Variants in CYP4F3 observed in about 807,000 individuals in gnomAD.
The protein encoded by CYP4F3 is cytochrome P450 family 4 subfamily F member 3, also known as cytochrome P450 4F3.
In CYP4F3, 50 loss-of-function variants were observed where a neutral mutation model predicts 54.8. The ratio of observed to expected loss-of-function variants is 0.91; its 90% CI spans 0.73 to 1.16. The LOEUF (loss-of-function observed/expected upper bound fraction) is 1.16, where lower values mean the gene tolerates loss of function less well. CYP4F3 is among the 50% of genes most tolerant of loss of function. The pLI, the probability that CYP4F3 is intolerant of heterozygous loss-of-function variation, is 0.00. For synonymous variants in CYP4F3, 244 were observed against 262.6 expected (o/e 0.93, Z 0.69); for missense variants, 715 against 676.2 (o/e 1.06, Z -0.64).
At chr19:15,643,455 T>TAGAC (rs1279352039) in intron 2 of CYP4F3, among the ~76,000 whole-genome samples, 5 of 143,658 alleles carry the variant, frequency 3.5e-5, no homozygotes, top group Admixed American at 7.0e-5. Context: ...GATAGATAGA[T>TAGAC]AGACAGACAG....
intron 1 of CYP4F3, 110 bp downstream of exon 1, chr19:15,641,055 C>G (rs1198737311): frequency 3.7e-6 from 1 of 268,552 alleles, no homozygotes; most frequent in African/African-American, 2.2e-5. Context: ...CCCACATTCT[C>G]CATTGCTGCC....
chr19:15,640,965 G>GGGCCTGGGGCATCCT lies in CYP4F3; in HGVS notation c.-2+21_-2+35dup, dbSNP rs1972445741. On this transcript the variant is annotated intron_variant, in intron 1 of 12. Transcript: ENST00000221307. Reference sequence around the variant, plus strand: ...CAGAAGGTGCCAGGGTGGGGGTGGTGGGCCTGGGGCATCCTAGCCTGTGAT... The same window carrying GGGCCTGGGGCATCCT: ...CAGAAGGTGCCAGGGTGGGGGTGGTGGGCCTGGGGCATCCTGGCCTGGGGCATCCTAGCCTGTGAT... 1 of 161,278 alleles carries GGGCCTGGGGCATCCT rather than the reference G, an allele frequency of 6.2e-6. No individual in the cohort carries two copies. Among genetic ancestry groups the GGGCCTGGGGCATCCT allele is most frequent in the African/African-American group, 2.4e-5 (1 of 41,572 alleles). 10.0% of individuals were successfully genotyped at this position (161,278 alleles called of 1,614,324 possible). A position where few individuals can be genotyped will look rare whatever the true frequency, so the allele number is the denominator to read the frequency against.
At position 15,658,593 on chromosome 19, in the gene CYP4F3, G is replaced by T. The variant is rs759000167; in HGVS notation, c.1314+38G>T. On this transcript the variant is annotated intron_variant, in intron 11 of 12. Transcript: ENST00000221307. Reference sequence around the variant, plus strand: ...CGTCTCTGTTTTTGTCCATTCCAAGGCTCCTAGAGGAGGGGGCAGGGTTTT... The same window carrying T: ...CGTCTCTGTTTTTGTCCATTCCAAGTCTCCTAGAGGAGGGGGCAGGGTTTT... 6.3e-5 allele frequency: 101 copies of T among 1,613,114 alleles called. No homozygotes were observed. The Admixed American group carries it at 9.5e-4, about 15-fold the overall frequency.
chr19:15,652,779 G>T, intron 8 of CYP4F3, 44 bp from the exon 9 acceptor site: 1 of 1,601,328 alleles, frequency 6.2e-7, no homozygotes, highest in Non-Finnish European at 8.5e-7. Flanking sequence ...ACCCTCGGGT[G>T]CTGAAGCAGC....
chr19:15,645,354 A>C (rs1290623), intron 2 of CYP4F3, among the ~76,000 whole-genome samples: 102,006 of 152,116 alleles, frequency 0.67, 34,846 homozygotes, highest in East Asian at 0.84. Context: ...TGGTTAAGGA[A>C]TCAGGCCATG....
Position 15,652,912 on chromosome 19 carries a change from C to T in CYP4F3, c.1075C>T (p.Gln359Ter). 1 of 1,613,306 alleles carries T rather than the reference C, an allele frequency of 6.2e-7. No homozygotes were observed. The highest frequency in any genetic ancestry group is 8.5e-7 in the Non-Finnish European group (1 of 1,179,552). Residue 359 changes from glutamine to a stop codon, truncating the protein, a stop_gained, in exon 9 of 13, where the codon CAA (glutamine) becomes TAA (stop). Coordinates refer to ENST00000221307, the MANE Select transcript of CYP4F3 (RefSeq NM_000896.3). LOFTEE classifies it high-confidence loss of function. ...CCAGGAGCGCTGTCGGCAGGAGGTG[C>T]AAGAGCTTCTGAAGGACCGTGAGCC... The part of the protein sequence containing the change: ...EYQERCRQEV[Q>*]ELLKDREPKE...
chr19:15,647,377 A>C, intron 5 of CYP4F3, 53 bp downstream of exon 5: 2 of 1,610,768 alleles, frequency 1.2e-6, no homozygotes, highest in Non-Finnish European at 1.7e-6. Context: ...GGGGGGAACC[A>C]CAGACAGATC....
At chr19:15,649,347 G>T (rs1466887979) in intron 6 of CYP4F3, 66 bp downstream of exon 6, 1 of 1,608,326 alleles carries the variant, frequency 6.2e-7, no homozygotes, top group East Asian at 2.2e-5. Flanking sequence ...GGGGGGCTGG[G>T]GAGGACTGAG....
intron 2 of CYP4F3, among the ~76,000 whole-genome samples, chr19:15,642,131 A>G (rs1972482594): frequency 6.6e-6 from 1 of 152,082 alleles, no homozygotes; most frequent in Non-Finnish European, 1.5e-5. Flanking sequence ...AACCCACATA[A>G]AAGTTGGCCA....
At chr19:15,653,958 A>AG (rs28371485) in intron 9 of CYP4F3, among the ~76,000 whole-genome samples, 100,585 of 151,984 alleles carry the variant, frequency 0.66, 33,866 homozygotes, top group East Asian at 0.82. Context: ...GTGTTTGAAC[A>AG]GGGAGGGACA....
intron 9 of CYP4F3, among the ~76,000 whole-genome samples, chr19:15,653,188 A>G (rs2683041): frequency 6.6e-6 from 1 of 151,988 alleles, no homozygotes; most frequent in African/African-American, 2.4e-5. Flanking sequence ...ATGTGAGGAC[A>G]GATAACGCCA....
In CYP4F3 at chr19:15,662,703, A is replaced by T. The variant is rs545837526; in HGVS notation, c.*3318A>T. The T allele has an allele frequency of 7.2e-5, 11 of 152,104 alleles. No homozygotes were observed. Among genetic ancestry groups the T allele is most frequent in the Admixed American group, 1.3e-4 (2 of 15,282 alleles). 9.4% of individuals were successfully genotyped at this position (152,104 alleles called of 1,614,324 possible). ...ACCCCTGTATTTATTTGTTTTCTTGAATTTCTTTTATCATTGTTTTGTAGT... is the reference window on the plus strand; with the variant it reads ...ACCCCTGTATTTATTTGTTTTCTTGTATTTCTTTTATCATTGTTTTGTAGT... On this transcript the variant is annotated 3_prime_UTR_variant, in exon 13 of 13. Transcript: ENST00000221307.
intron 3 of CYP4F3, 106 bp downstream of exon 3, chr19:15,645,969 CAGG>C: frequency 7.1e-7 from 1 of 1,399,756 alleles, no homozygotes; most frequent in Non-Finnish European, 9.4e-7. Flanking sequence ...CATGTGCAGA[CAGG>C]AGGGGCTGTG....
chr19:15,650,403 A>G lies in CYP4F3; in HGVS notation c.918+220A>G, dbSNP rs1037197872. The G allele has an allele frequency of 1.9e-5, 17 of 873,202 alleles. No individual in the cohort carries two copies. In the Admixed American group the frequency reaches 4.5e-4, roughly 23 times the overall value. The allele number at this position is 873,202 out of a possible 1,614,324, so 54.1% of individuals were successfully genotyped here. Reference sequence around the variant, plus strand: ...TTGTGATGAGTCTGAGATTTACTCTATTTATAAGTTAATAAGCTAATTGGC... The same window carrying G: ...TTGTGATGAGTCTGAGATTTACTCTGTTTATAAGTTAATAAGCTAATTGGC... On this transcript the variant is annotated intron_variant, in intron 7 of 12. Transcript: ENST00000221307.
At chr19:15,659,146 G>C in intron 12 of CYP4F3, 74 bp from the exon 13 acceptor site, 1 of 1,364,816 alleles carries the variant, frequency 7.3e-7, no homozygotes, top group African/African-American at 1.5e-5. Flanking sequence ...GGGTGTCCCA[G>C]GCCAGGTTAC....
At position 15,649,931 on chromosome 19, in the gene CYP4F3, TGCC is replaced by T. The variant is rs1972737685; in HGVS notation, c.670_672del (p.Ala224del). 6.2e-7 allele frequency: 1 copy of T among 1,613,886 alleles called. No individual in the cohort carries two copies. Among genetic ancestry groups the T allele is most frequent in the African/African-American group, 1.3e-5 (1 of 74,898 alleles). ...CCTGCAGGAAGCCCAGTGAATATAT[TGCC>T]GCCATCTTGGAGCTCAGTGCCCTTG... is the stretch of plus-strand genomic sequence containing the variant. On this transcript the variant is annotated inframe_deletion, in exon 7 of 13. Coordinates refer to ENST00000221307, the MANE Select transcript of CYP4F3 (RefSeq NM_000896.3).
rs1160199511 is a variant in CYP4F3 at position 15,651,064 on chromosome 19, C to T, written c.918+881C>T. On this transcript the variant is annotated intron_variant, in intron 7 of 12. Transcript: ENST00000221307. ...CTAACTTTTGCATTTTTAGTAGAGA[C>T]GAGGTTTCACCATGTTGGCCAGGCT... Among the ~76,000 whole-genome samples the T allele has an allele frequency of 4.6e-5, 7 of 151,556 alleles. No homozygotes were observed. In the South Asian group the frequency reaches 8.3e-4, roughly 18 times the overall value.
At position 15,647,207 on chromosome 19, in the gene CYP4F3, C is replaced by T. The variant is rs764711736; in HGVS notation, c.408C>T (p.Leu136=). Residue 136 remains leucine (L), a synonymous_variant, in exon 5 of 13, where the codon CTC becomes CTT. Coordinates refer to ENST00000221307, the MANE Select transcript of CYP4F3 (RefSeq NM_000896.3). ...SFLKPWLGDG[L]LLSAGEKWSR... ...TGGCTGCCCTGCCAGGGGATGGGCT[C>T]CTGCTGAGTGCTGGTGAAAAGTGGA... The T allele has an allele frequency of 1.2e-6, 2 of 1,614,224 alleles. No individual in the cohort carries two copies. Among genetic ancestry groups the T allele is most frequent in the Non-Finnish European group, 1.7e-6 (2 of 1,180,046 alleles).
Position 15,645,682 on chromosome 19 carries a change from G to A in CYP4F3, c.199-37G>A, listed in dbSNP as rs111317072. On this transcript the variant is annotated intron_variant, in intron 2 of 12. Transcript: ENST00000221307. ...GCAGATCCTTCTCTCTCGCAGCCTA[G>A]GAGAGCATGAATTGGGTCCTGTGTC... 675 of 1,575,666 alleles carry A rather than the reference G, an allele frequency of 4.3e-4. 6 individuals are homozygous for A. In the African/African-American group the frequency reaches 6.5e-3, roughly 15 times the overall value.
Sources: allele counts gnomAD v4.1 joint callset (sites outside exome capture counted in the v4.1 genomes callset), GRCh38; gene constraint gnomAD v4.1.1; transcripts MANE v1.5; gene names NCBI Gene and HGNC (gene_info 2026-07-23, HGNC 2026-07-21).